The following NBPF15 variants were observed in gnomAD, a reference collection of about 807,000 sequenced individuals.
NBPF15 encodes the protein NBPF family member NBPF15.
A neutral mutation model predicts 62.2 loss-of-function variants in NBPF15; 74 were observed. That is an observed-to-expected ratio of 1.19 (90% CI 0.99 to 1.44). The LOEUF is 1.44. NBPF15 is among the 40% of genes most tolerant of loss of function. The probability of loss-of-function intolerance (pLI) is 0.00; values close to 1 mark genes in which losing one functional copy is unlikely to be tolerated. For synonymous variants in NBPF15, 244 were observed against 209.7 expected, an observed-to-expected ratio of 1.16 and a Z score of -1.41; for missense variants, 790 against 550.0, an observed-to-expected ratio of 1.44 and a Z score of -4.36.
chr1:144,436,649 C>G (rs1479648433), intron 10 of NBPF15, among the ~76,000 whole-genome samples: 1 of 152,028 alleles, frequency 6.6e-6, no homozygotes, highest in Non-Finnish European at 1.5e-5. Flanking sequence ...TAAAACTAGA[C>G]AGATGCTGCC....
At chr1:144,431,494 G>GAT (rs1490313792) in intron 13 of NBPF15, among the ~76,000 whole-genome samples, 10 of 142,840 alleles carry the variant, frequency 7.0e-5, no homozygotes, top group Non-Finnish European at 1.2e-4. Context: ...TATATATACA[G>GAT]ATATATATAT....
chr1:144,441,744 A>T (rs1683053888), intron 6 of NBPF15, among the ~76,000 whole-genome samples: 1 of 151,416 alleles, frequency 6.6e-6, no homozygotes, highest in Non-Finnish European at 1.5e-5. Context: ...TTCCTTTACA[A>T]GGTTTCTAAT....
At chr1:144,453,712 C>A (rs1249972927) in intron 4 of NBPF15, among the ~76,000 whole-genome samples, 5 of 132,960 alleles carry the variant, frequency 3.8e-5, no homozygotes, top group Non-Finnish European at 1.6e-5. Flanking sequence ...GGCAAATAAG[C>A]ATATGAGAAA....
rs587762953 is a variant in NBPF15 at position 144,426,821 on chromosome 1, C to T, written c.1265+226G>A. On this transcript the variant is annotated intron_variant, in intron 17 of 21. Transcript: ENST00000581897. The stretch of plus-strand genomic sequence containing the variant: ...ACTTGCTCAAGATTCCATGCAGTTG[C>T]CATACAGCCTTTGAGGTATGGTCAA... Among the ~76,000 whole-genome samples, 108 of 150,478 alleles carry T rather than the reference C, an allele frequency of 7.2e-4. 2 individuals carry two copies. The South Asian group carries it at 0.018, about 25-fold the overall frequency.
intron 9 of NBPF15, among the ~76,000 whole-genome samples, chr1:144,437,516 A>C (rs1366128556): frequency 6.7e-6 from 1 of 149,336 alleles, no homozygotes; most frequent in Non-Finnish European, 1.5e-5. Context: ...GTGAATTGAA[A>C]AGACGAAAGA....
chr1:144,436,908 T>C lies in NBPF15; in HGVS notation c.480A>G (p.Gln160=), dbSNP rs1678944644. ...TGGCCACCTTACCTGGGCTGAGCTT[T>C]TGGACAAGGTGCTGTGTCAGTCTAC... ...EGCRLTQHLV[Q]KLSPENDNDD... The change falls in exon 10 of 22, where the codon CAA becomes CAG. Residue 160 remains glutamine (Q), a synonymous_variant. Transcript: ENST00000581897. 5 of 1,612,044 alleles carry C rather than the reference T, an allele frequency of 3.1e-6. No individual in the cohort carries two copies. In the African/African-American group the frequency reaches 6.7e-5, roughly 22 times the overall value.
In NBPF15 at chr1:144,448,576, A is replaced by G. The variant is rs1366695204; in HGVS notation, c.-191+199T>C. ...ATGCATTAAATTTAAGCCTAATGCA[A>G]TAAAGAATGCCCATAAAATTATTAT... On this transcript the variant is annotated intron_variant, in intron 6 of 21. Coordinates refer to ENST00000581897, the MANE Select transcript of NBPF15 (RefSeq NM_001385408.1). Among the ~76,000 whole-genome samples the G allele has an allele frequency of 5.9e-5, 9 of 152,088 alleles. No individual in the cohort carries two copies. The South Asian group carries it at 6.2e-4, about 11-fold the overall frequency.
At chr1:144,459,017 G>A (rs1296030181) in intron 3 of NBPF15, among the ~76,000 whole-genome samples, 19 of 150,860 alleles carry the variant, frequency 1.3e-4, no homozygotes, top group African/African-American at 4.6e-4. Context: ...TCTAGCCTGG[G>A]CAATAGAGTG....
At chr1:144,459,119 C>T (rs200451436) in intron 3 of NBPF15, among the ~76,000 whole-genome samples, 2 of 151,778 alleles carry the variant, frequency 1.3e-5, no homozygotes, top group East Asian at 1.9e-4. Flanking sequence ...CTCCTAGGTT[C>T]GGCATTGATT....
At chr1:144,444,385 A>T (rs1685765245) in intron 6 of NBPF15, among the ~76,000 whole-genome samples, 2 of 151,772 alleles carry the variant, frequency 1.3e-5, no homozygotes, top group Admixed American at 6.6e-5. Flanking sequence ...TAACGAAGGC[A>T]TTCTTAACAG....
At position 144,450,832 on chromosome 1, in the gene NBPF15, C is replaced by G. The variant is rs1168769736; in HGVS notation, c.-393G>C. ...AGAAGACAATGAGGGGTATTTCAGGCACTTGAGTAGTGTGGCTTTACTGTT... is the reference window on the plus strand; with the variant it reads ...AGAAGACAATGAGGGGTATTTCAGGGACTTGAGTAGTGTGGCTTTACTGTT... On this transcript the variant is annotated 5_prime_UTR_variant, in exon 5 of 22. Transcript: ENST00000581897. The G allele has an allele frequency of 1.1e-6, 1 of 947,698 alleles. No homozygotes were observed. The highest frequency in any genetic ancestry group is 1.3e-6 in the Non-Finnish European group (1 of 796,490). The allele number at this position is 947,698 out of a possible 1,614,324, so 58.7% of individuals were successfully genotyped here.
rs1553539848 is a variant in NBPF15, at chr1:144,428,963, C to T, written c.989-306G>A. 2.0e-5 allele frequency among the ~76,000 whole-genome samples: 3 copies of T among 152,084 alleles called. No homozygotes were observed. The East Asian group carries it at 5.8e-4, about 29-fold the overall frequency. ...AATTGTAGGCAAATAGTTCTAACAC[C>T]TCATAGGAGAGATACTTCAATATTA... On this transcript the variant is annotated intron_variant, in intron 14 of 21. Transcript: ENST00000581897.
intron 4 of NBPF15, among the ~76,000 whole-genome samples, chr1:144,451,487 C>G (rs1553545510): frequency 6.6e-6 from 1 of 151,692 alleles, no homozygotes; most frequent in African/African-American, 2.4e-5. Flanking sequence ...TTTCCCTTCC[C>G]ACGAGGCTGT....
chr1:144,434,876 G>A (rs587727776), intron 12 of NBPF15, among the ~76,000 whole-genome samples: 3,657 of 152,060 alleles, frequency 0.024, 165 homozygotes, highest in African/African-American at 0.084. Flanking sequence ...TGCACCTCCT[G>A]CACTCAGGTG....
At chr1:144,444,616 G>T (rs1280448848) in intron 6 of NBPF15, among the ~76,000 whole-genome samples, 1 of 151,934 alleles carries the variant, frequency 6.6e-6, no homozygotes, top group Non-Finnish European at 1.5e-5. Context: ...TAGATTAAAA[G>T]AAGTTAATCA....
chr1:144,423,139 T>C lies in NBPF15; in HGVS notation c.1887A>G (p.Arg629=). ...FEQPDSFQHY[R]SVFYSFEEEH... is the part of the protein sequence containing the mutation. ...CTTCCTCAAATGAGTAAAACACACTTCTGTAGTGCTGGAATGAGTCAGGTT... is the reference window on the plus strand; with the variant it reads ...CTTCCTCAAATGAGTAAAACACACTCCTGTAGTGCTGGAATGAGTCAGGTT... Residue 629 remains arginine, a synonymous_variant, in exon 22 of 22, where the codon AGA becomes AGG. Coordinates refer to ENST00000581897, the MANE Select transcript of NBPF15 (RefSeq NM_001385408.1). The C allele has an allele frequency of 6.2e-7, 1 of 1,611,502 alleles. No individual in the cohort carries two copies. Among genetic ancestry groups the C allele is most frequent in the South Asian group, 1.1e-5 (1 of 90,970 alleles).
At chr1:144,440,410 C>A (rs1309798172) in intron 6 of NBPF15, 115 bp from the exon 7 acceptor site, 19 of 599,296 alleles carry the variant, frequency 3.2e-5, no homozygotes, top group Non-Finnish European at 3.5e-5. Context: ...ACCTGAGGGT[C>A]ACCACCAATG....
At chr1:144,442,114 A>AT (rs1683382259) in intron 6 of NBPF15, among the ~76,000 whole-genome samples, 1 of 76,526 alleles carries the variant, frequency 1.3e-5, no homozygotes, top group South Asian at 5.0e-4. Context: ...ATATATATAT[A>AT]TAATATATAT....
At chr1:144,441,400 C>T (rs1553542619) in intron 6 of NBPF15, among the ~76,000 whole-genome samples, 1 of 151,532 alleles carries the variant, frequency 6.6e-6, no homozygotes, top group Admixed American at 6.6e-5. Context: ...TTTTCTCATG[C>T]CTAATGTTCA....
Sources: allele counts gnomAD v4.1 joint callset (sites outside exome capture counted in the v4.1 genomes callset), GRCh38; gene constraint gnomAD v4.1.1; transcripts MANE v1.5; gene names NCBI Gene and HGNC (gene_info 2026-07-23, HGNC 2026-07-21).